C3: variants seen among roughly 807,000 people sequenced by gnomAD.
The protein encoded by C3 is complement C3, also known as C3 and PZP-like alpha-2-macroglobulin domain-containing protein 1.
Under a neutral mutation model 207.9 loss-of-function variants are expected in C3, and 97 were observed. The ratio of observed to expected loss-of-function variants is 0.47; its 90% CI spans 0.40 to 0.55. C3 has a LOEUF of 0.55. Ranked by LOEUF, C3 falls within the 20% of genes least tolerant of loss-of-function variation. C3 has a pLI of 0.00. For missense variants in C3, 1,684 were observed against 2,171.7 expected (o/e 0.78, Z 4.46); for synonymous variants, 848 against 857.6 (o/e 0.99, Z 0.20).
chr19:6,699,909 GAT>G (rs1967607950), intron 19 of C3, among the ~76,000 whole-genome samples: 1 of 150,108 alleles, frequency 6.7e-6, no homozygotes, highest in African/African-American at 2.4e-5. Context: ...AATAAGTTAT[GAT>G]ATGGTATAAT....
At chr19:6,698,986 G>A (rs1967594963) in intron 19 of C3, among the ~76,000 whole-genome samples, 1 of 151,826 alleles carries the variant, frequency 6.6e-6, no homozygotes, top group African/African-American at 2.4e-5. Flanking sequence ...AGTAGAGACA[G>A]GGTTTCACCA....
In C3 at chr19:6,693,447, G is replaced by A. The variant is rs750180049; in HGVS notation, c.3195C>T (p.Ala1065=). The A allele has an allele frequency of 1.2e-6, 2 of 1,612,700 alleles. No homozygotes were observed. The highest frequency in any genetic ancestry group is 1.1e-5 in the South Asian group (1 of 90,790). The change falls in exon 25 of 41, where the codon GCC becomes GCT. Residue 1065 remains alanine (A), a synonymous_variant. Transcript: ENST00000245907. ...QQLAFRQPSS[A]FAAFVKRAPS... is the part of the protein sequence containing the mutation. ...GTGCCCGTTTCACGAAGGCCGCAAA[G>A]GCAGAGCTGGGTTGTCTGAAGGCCA...
Position 6,697,678 on chromosome 19 carries a change from T to C in C3, c.2557A>G (p.Asn853Asp). 1 of 1,614,032 alleles carries C rather than the reference T, an allele frequency of 6.2e-7. No individual in the cohort carries two copies. The highest frequency in any genetic ancestry group is 8.5e-7 in the Non-Finnish European group (1 of 1,179,982). ...EQVEIRAVLY[N>D]YRQNQELKVR... ...TTGAGCTCTTGGTTCTGCCGGTAAT[T>C]GTAGAGAACGGCTCGGATTTCCACC... The change falls in exon 20 of 41, where the codon AAT becomes GAT. Residue 853 changes from asparagine to aspartate, a missense_variant. By Grantham distance (23) the Asn-to-Asp change is conservative. Coordinates refer to ENST00000245907, the MANE Select transcript of C3 (RefSeq NM_000064.4).
At position 6,680,238 on chromosome 19, in the gene C3, A is replaced by C; in HGVS notation, c.4376T>G (p.Leu1459Arg). ...AAAGTATTGGTGAACTTTGAAAGCT[A>C]GACAGTCATCCTCAGAGTGTGAGAC... ...DKVSHSEDDC[L>R]AFKVHQYFNV... The change falls in exon 36 of 41, where the codon CTA becomes CGA. Residue 1459 changes from leucine (L) to arginine (R), a missense_variant. Transcript: ENST00000245907. 6.2e-7 allele frequency: 1 copy of C among 1,611,304 alleles called. No individual in the cohort carries two copies. The highest frequency in any genetic ancestry group is 8.5e-7 in the Non-Finnish European group (1 of 1,177,488).
chr19:6,679,469 G>C lies in C3; in HGVS notation c.4484C>G (p.Pro1495Arg), dbSNP rs368362113. 1.2e-6 allele frequency: 2 copies of C among 1,613,612 alleles called. No homozygotes were observed. Among genetic ancestry groups the C allele is most frequent in the Non-Finnish European group, 1.7e-6 (2 of 1,179,554 alleles). The part of the protein sequence containing the change: ...LEESCTRFYH[P>R]EKEDGKLNKL... ...GTTCAGCTTTCCATCCTCCTTTTCC[G>C]GATGGTAGAACCGGGTACAGCTTTC... is the stretch of plus-strand genomic sequence containing the variant. Residue 1495 changes from proline to arginine, a missense_variant, in exon 37 of 41, where the codon CCG becomes CGG. By Grantham distance (103) the Pro-to-Arg change is moderately radical. Transcript: ENST00000245907.
At position 6,711,030 on chromosome 19, in the gene C3, ATTCGCAGG is replaced by A; in HGVS notation, c.1428_1435del (p.Leu477GlyfsTer109). 2 of 1,614,146 alleles carry A rather than the reference ATTCGCAGG, an allele frequency of 1.2e-6. No individual in the cohort carries two copies. The highest frequency in any genetic ancestry group is 1.7e-6 in the Non-Finnish European group (2 of 1,180,002). On this transcript the variant is annotated frameshift_variant, in exon 12 of 41. Transcript: ENST00000245907. LOFTEE classifies it high-confidence loss of function. ...GATCTTGGCCTCGTGGGCGCGGTCC[ATTCGCAGG>A]AGGAAGTTGACGTTGAGGGTCTCCC...
intron 33 of C3, 143 bp from the exon 34 acceptor site, chr19:6,682,372 A>G: frequency 1.4e-6 from 1 of 699,238 alleles, no homozygotes; most frequent in Non-Finnish European, 2.6e-6. Flanking sequence ...TTTTTAGGAA[A>G]CATTTCCCCA....
Position 6,684,627 on chromosome 19 carries a change from C to T in C3, c.4053G>A (p.Lys1351=). 19 of 1,613,986 alleles carry T rather than the reference C, an allele frequency of 1.2e-5. No homozygotes were observed. The highest frequency in any genetic ancestry group is 1.6e-5 in the Non-Finnish European group (19 of 1,179,956). Reference sequence around the variant, plus strand: ...TATTACAGGTGAGTTGATCTTTGGCCTTAGCATGGTACATTGTCACCACCT... The same window carrying T: ...TATTACAGGTGAGTTGATCTTTGGCTTTAGCATGGTACATTGTCACCACCT... The part of the protein sequence containing the change: ...TLSVVTMYHA[K]AKDQLTCNKF... Residue 1351 remains lysine, a synonymous_variant, in exon 32 of 41, where the codon AAG becomes AAA. Coordinates refer to ENST00000245907, the MANE Select transcript of C3 (RefSeq NM_000064.4).
At chr19:6,690,556 C>T (rs534599145) in intron 27 of C3, 73 bp downstream of exon 27, 1 of 1,197,644 alleles carries the variant, frequency 8.3e-7, no homozygotes, top group Non-Finnish European at 1.3e-6. Flanking sequence ...TGAAGGCAAC[C>T]TCTCACTCTC....
At chr19:6,713,581 C>G in intron 7 of C3, 72 bp from the exon 8 acceptor site, 1 of 1,229,398 alleles carries the variant, frequency 8.1e-7, no homozygotes, top group Non-Finnish European at 1.2e-6. Context: ...CTTCTCCTGC[C>G]TGTGCTGAAG....
At chr19:6,709,611 T>TTCCCCCCCCCCCCCCC in intron 14 of C3, 73 bp downstream of exon 14, 4 of 1,109,412 alleles carry the variant, frequency 3.6e-6, no homozygotes, top group Non-Finnish European at 4.1e-6. Flanking sequence ...CCCTCTCCAG[T>TTCCCCCCCCCCCCCCC]CCCACCCACC....
intron 33 of C3, chr19:6,682,654 C>T (rs1599498676): frequency 4.3e-6 from 1 of 231,918 alleles, no homozygotes; most frequent in East Asian, 1.0e-4. Flanking sequence ...AACTTTGTTG[C>T]TAACTCTTCA....
intron 17 of C3, 99 bp downstream of exon 17, chr19:6,706,977 G>GCCC: frequency 9.0e-6 from 4 of 442,678 alleles, no homozygotes; most frequent in African/African-American, 4.8e-5. Flanking sequence ...GCCTCCTCCA[G>GCCC]CCCCACCCCC....
intron 13 of C3, 97 bp downstream of exon 13, chr19:6,710,540 GGA>G: frequency 1.1e-6 from 1 of 902,196 alleles, no homozygotes; most frequent in Non-Finnish European, 1.7e-6. Flanking sequence ...AGAGAGAAAA[GGA>G]GAAAGGGAGA....
intron 26 of C3, 36 bp from the exon 27 acceptor site, chr19:6,690,763 C>A: frequency 6.6e-7 from 1 of 1,521,650 alleles, no homozygotes; most frequent in Non-Finnish European, 9.1e-7. Context: ...ATGGGGTCAC[C>A]GGTGTGTCCA....
Position 6,696,359 on chromosome 19 carries a change from C to T in C3, c.2950+20G>A, listed in dbSNP as rs753520652. 1.7e-5 allele frequency: 26 copies of T among 1,564,852 alleles called. No individual in the cohort carries two copies. Among genetic ancestry groups the T allele is most frequent in the South Asian group, 1.6e-4 (14 of 88,542 alleles). Reference sequence around the variant, plus strand: ...CATGCCCTCCTGGGACCCATGGGGTCGGGGTCAAGGGTGTCTCACCTTGCA... The same window carrying T: ...CATGCCCTCCTGGGACCCATGGGGTTGGGGTCAAGGGTGTCTCACCTTGCA... On this transcript the variant is annotated intron_variant, in intron 23 of 40. Coordinates refer to ENST00000245907, the MANE Select transcript of C3 (RefSeq NM_000064.4).
intron 28 of C3, 94 bp downstream of exon 28, chr19:6,686,652 C>T (rs1599501294): frequency 1.5e-6 from 2 of 1,345,442 alleles, no homozygotes; most frequent in East Asian, 2.3e-5. Flanking sequence ...GTCATCTGTC[C>T]CAGCTCAGCT....
chr19:6,686,052 C>T, intron 29 of C3, 72 bp downstream of exon 29: 1 of 1,491,382 alleles, frequency 6.7e-7, no homozygotes, highest in Admixed American at 1.7e-5. Context: ...GCCTCAGTGT[C>T]TTCTCTAGGA....
At chr19:6,720,461 G>A in intron 1 of C3, 55 bp downstream of exon 1, 1 of 1,312,466 alleles carries the variant, frequency 7.6e-7, no homozygotes, top group Non-Finnish European at 1.1e-6. Context: ...ACCCCCAAAT[G>A]TCTGCTTCCA....
Sources: allele counts gnomAD v4.1 joint callset (sites outside exome capture counted in the v4.1 genomes callset), GRCh38; gene constraint gnomAD v4.1.1; transcripts MANE v1.5; gene names NCBI Gene and HGNC (gene_info 2026-07-23, HGNC 2026-07-21).